PIR: variants seen among roughly 807,000 people sequenced by gnomAD.
The protein encoded by PIR is pirin (iron-binding nuclear protein).
In PIR, 22 loss-of-function variants were observed where a neutral mutation model predicts 24.2. The observed-to-expected ratio is 0.91, with a 90% confidence interval of 0.65 to 1.30. The LOEUF is 1.30. Among genes scored for constraint, PIR ranks in the 50% most tolerant of loss-of-function variants. PIR has a pLI of 0.00. For missense variants in PIR, 220 were observed against 220.3 expected, an observed-to-expected ratio of 1.00 and a Z score of 0.01; for synonymous variants, 80 against 79.6, an observed-to-expected ratio of 1.00 and a Z score of -0.03.
chrX:15,412,687 A>G (rs1257007833), intron 6 of PIR, among the ~76,000 whole-genome samples: 2 of 111,694 alleles, frequency 1.8e-5, no homozygotes, highest in African/African-American at 6.5e-5. Flanking sequence ...ACATTTCTCC[A>G]GTATCATGGC....
chrX:15,415,551 G>C (rs189174303), intron 6 of PIR, among the ~76,000 whole-genome samples: 5 of 111,814 alleles, frequency 4.5e-5, no homozygotes, highest in African/African-American at 1.3e-4. Flanking sequence ...AAGTTCAAGA[G>C]ATCTATTGTA....
intron 5 of PIR, among the ~76,000 whole-genome samples, chrX:15,434,213 AAAG>A (rs1569201788): frequency 1.1e-5 from 1 of 88,423 alleles, no homozygotes. Flanking sequence ...GGAGGAGGAG[AAAG>A]AAGAAGAAGG....
intron 5 of PIR, among the ~76,000 whole-genome samples, chrX:15,438,791 T>C (rs1925827290): frequency 9.0e-6 from 1 of 111,312 alleles, no homozygotes; most frequent in African/African-American, 3.3e-5. Context: ...GAGTCTGGGC[T>C]TGACCTAAGT....
At chrX:15,484,775 G>A (rs1486551289) in intron 2 of PIR, among the ~76,000 whole-genome samples, 1 of 112,169 alleles carries the variant, frequency 8.9e-6, no homozygotes, top group Non-Finnish European at 1.9e-5. Flanking sequence ...GCTGAACTGT[G>A]TTCATATCCT....
At chrX:15,452,814 C>CAAG (rs1241664991) in intron 5 of PIR, among the ~76,000 whole-genome samples, 1 of 112,081 alleles carries the variant, frequency 8.9e-6, no homozygotes, top group East Asian at 2.8e-4. Flanking sequence ...TGCATTTTAT[C>CAAG]AAGACCCTCA....
chrX:15,425,526 C>T (rs1033563038), intron 6 of PIR, among the ~76,000 whole-genome samples: 1 of 109,083 alleles, frequency 9.2e-6, no homozygotes, highest in Non-Finnish European at 1.9e-5. Flanking sequence ...ATTCTCCTGC[C>T]TCAGCCTCCC....
intron 6 of PIR, 94 bp downstream of exon 6, chrX:15,425,812 A>C (rs988918400): frequency 1.9e-5 from 10 of 529,578 alleles, no homozygotes; most frequent in Non-Finnish European, 3.3e-5. Context: ...GAGTTTCAGA[A>C]ACAAGCACAT....
chrX:15,399,284 A>G (rs777371232), intron 7 of PIR, among the ~76,000 whole-genome samples: 10 of 112,993 alleles, frequency 8.9e-5, no homozygotes, highest in Non-Finnish European at 1.1e-4. Flanking sequence ...TTGAGCAATT[A>G]TTATGTAAAC....
intron 5 of PIR, among the ~76,000 whole-genome samples, chrX:15,451,493 A>G (rs1920965941): frequency 9.0e-6 from 1 of 110,560 alleles, no homozygotes; most frequent in South Asian, 3.8e-4. Flanking sequence ...AGCTAATTTT[A>G]TTGTTCTCTT....
intron 8 of PIR, among the ~76,000 whole-genome samples, chrX:15,392,441 A>G (rs1923988669): frequency 8.9e-6 from 1 of 111,900 alleles, no homozygotes; most frequent in Admixed American, 9.5e-5. Context: ...TCATACTTCT[A>G]TTAATGCAAA....
chrX:15,489,913 C>A (rs1923064861), intron 2 of PIR, among the ~76,000 whole-genome samples: 2 of 111,743 alleles, frequency 1.8e-5, no homozygotes, highest in South Asian at 7.4e-4. Context: ...GTTACCCCGG[C>A]TAGGGGATGG....
intron 5 of PIR, among the ~76,000 whole-genome samples, chrX:15,447,664 A>G (rs765641589): frequency 8.9e-6 from 1 of 111,840 alleles, no homozygotes; most frequent in African/African-American, 3.3e-5. Flanking sequence ...ATTCATATCC[A>G]TAAGAGCTCA....
chrX:15,438,692 C>T (rs1015799741), intron 5 of PIR, among the ~76,000 whole-genome samples: 1 of 111,444 alleles, frequency 9.0e-6, no homozygotes, highest in African/African-American at 3.3e-5. Flanking sequence ...CTGTTGACAT[C>T]GCCAGATGCC....
chrX:15,437,430 A>C (rs915283729), intron 5 of PIR, among the ~76,000 whole-genome samples: 10 of 111,699 alleles, frequency 9.0e-5, no homozygotes, highest in African/African-American at 3.3e-4. Context: ...GGAAGAGCTG[A>C]ATGAATGAAT....
intron 6 of PIR, 47 bp downstream of exon 6, chrX:15,425,859 C>CTT: frequency 4.7e-5 from 32 of 679,179 alleles, no homozygotes; most frequent in Middle Eastern, 3.2e-4. Context: ...TTTTTCTTTT[C>CTT]TTTTTTTTTT....
intron 3 of PIR, among the ~76,000 whole-genome samples, chrX:15,477,524 G>C (rs1048861936): frequency 1.1e-4 from 12 of 111,806 alleles, no homozygotes; most frequent in Admixed American, 8.5e-4. Flanking sequence ...TCTAGGCCAA[G>C]AGTGTTACAA....
At chrX:15,435,909 C>T (rs1414871085) in intron 5 of PIR, among the ~76,000 whole-genome samples, 1 of 112,612 alleles carries the variant, frequency 8.9e-6, no homozygotes, top group Non-Finnish European at 1.9e-5. Context: ...CAATCCAAAG[C>T]ACTTTGAATT....
At chrX:15,394,949 T>C (rs922946579) in intron 8 of PIR, among the ~76,000 whole-genome samples, 2 of 111,696 alleles carry the variant, frequency 1.8e-5, no homozygotes, top group African/African-American at 6.5e-5. Context: ...AGTAGTCAAA[T>C]GGGTGTGATG....
chrX:15,473,664 C>T (rs1922044777), intron 3 of PIR, among the ~76,000 whole-genome samples: 1 of 111,245 alleles, frequency 9.0e-6, no homozygotes. Flanking sequence ...TCAAACGATT[C>T]TCCTGCCTCA....
Sources: allele counts gnomAD v4.1 joint callset (sites outside exome capture counted in the v4.1 genomes callset), GRCh38; gene constraint gnomAD v4.1.1; transcripts MANE v1.5; gene names NCBI Gene and HGNC (gene_info 2026-07-23, HGNC 2026-07-21).